Variants in EYS observed in about 807,000 individuals in gnomAD.
EYS encodes the protein EGF-like photoreceptor maintenance factor.
A neutral mutation model predicts 282.1 loss-of-function variants in EYS; 250 were observed. The ratio of observed to expected loss-of-function variants is 0.89; its 90% CI spans 0.80 to 0.98. EYS has a LOEUF of 0.98. Ranked by LOEUF, EYS falls within the 50% of genes least tolerant of loss-of-function variation. EYS has a pLI of 0.00. For synonymous variants in EYS, 1,355 were observed against 1,282.9 expected (o/e 1.06, Z -1.20); for missense variants, 4,016 against 3,709.0 (o/e 1.08, Z -2.15).
intron 8 of EYS, among the ~76,000 whole-genome samples, chr6:65,369,324 A>ATATT (rs1765045432): frequency 7.2e-6 from 1 of 139,368 alleles, no homozygotes; most frequent in African/African-American, 2.6e-5. Flanking sequence ...TATTATATAT[A>ATATT]TATATTTATA....
At chr6:64,616,053 G>T (rs983577601) in intron 24 of EYS, among the ~76,000 whole-genome samples, 5 of 151,892 alleles carry the variant, frequency 3.3e-5, no homozygotes, top group Admixed American at 3.3e-4. Context: ...ACTATTTCAG[G>T]AAATTTTATA....
At chr6:63,888,349 A>T (rs1157212117) in intron 35 of EYS, among the ~76,000 whole-genome samples, 2 of 152,094 alleles carry the variant, frequency 1.3e-5, no homozygotes, top group African/African-American at 4.8e-5. Flanking sequence ...AAGGGGAGAC[A>T]CCTCCCAGCA....
At chr6:64,596,224 G>T (rs569929228) in intron 24 of EYS, among the ~76,000 whole-genome samples, 2 of 146,154 alleles carry the variant, frequency 1.4e-5, no homozygotes, top group South Asian at 4.6e-4. Flanking sequence ...CAGCACTGGG[G>T]ATTGCAATTT....
intron 15 of EYS, among the ~76,000 whole-genome samples, chr6:64,918,895 CCAAGGCATG>C (rs1438353285): frequency 6.6e-6 from 1 of 152,040 alleles, no homozygotes; most frequent in East Asian, 1.9e-4. Context: ...TCTAGAAAAA[CCAAGGCATG>C]CAATAAAAAT....
chr6:64,695,268 G>C (rs180816199), intron 22 of EYS, among the ~76,000 whole-genome samples: 1 of 152,206 alleles, frequency 6.6e-6, no homozygotes, highest in East Asian at 1.9e-4. Flanking sequence ...CACCAATGCA[G>C]CTGACTCCCA....
intron 1 of EYS, among the ~76,000 whole-genome samples, chr6:65,691,292 T>C (rs1769232671): frequency 6.6e-6 from 1 of 150,462 alleles, no homozygotes; most frequent in Non-Finnish European, 1.5e-5. Context: ...TGTAAGATGG[T>C]ACCTCATTGC....
chr6:65,677,105 GAAAAA>G (rs58880200), intron 1 of EYS, among the ~76,000 whole-genome samples: 15,996 of 107,858 alleles, frequency 0.15, 924 homozygotes, highest in Non-Finnish European at 0.18. Context: ...AGTCATTGGT[GAAAAA>G]AAAAAAAAAA....
intron 12 of EYS, among the ~76,000 whole-genome samples, chr6:65,059,166 T>A (rs1345256445): frequency 8.5e-5 from 13 of 152,084 alleles, no homozygotes; most frequent in Admixed American, 6.6e-4. Context: ...TTAGTTTTTT[T>A]AATGAGATAA....
Position 65,226,207 on chromosome 6 carries a change from T to C in EYS, c.2023+69656A>G, listed in dbSNP as rs564449302. 2.6e-5 allele frequency among the ~76,000 whole-genome samples: 4 copies of C among 152,176 alleles called. No homozygotes were observed. The South Asian group carries it at 8.3e-4, about 32-fold the overall frequency. ...TATCAACACACTAAAATCAATTGTG[T>C]ACGTATATACCAGCCATAAACAAAT... On this transcript the variant is annotated intron_variant, in intron 12 of 42. Transcript: ENST00000503581.
intron 1 of EYS, among the ~76,000 whole-genome samples, chr6:65,697,476 A>G (rs1769496698): frequency 6.6e-6 from 1 of 152,074 alleles, no homozygotes; most frequent in Admixed American, 6.6e-5. Context: ...ATCATCTGTC[A>G]ATTTGATTTT....
chr6:63,865,640 C>T (rs913798976), intron 35 of EYS, among the ~76,000 whole-genome samples: 1 of 152,076 alleles, frequency 6.6e-6, no homozygotes, highest in Non-Finnish European at 1.5e-5. Flanking sequence ...GCCTCCCAGT[C>T]TAGTTGTAGA....
intron 1 of EYS, among the ~76,000 whole-genome samples, chr6:65,682,206 A>G (rs1768850512): frequency 6.6e-6 from 1 of 151,922 alleles, no homozygotes. Flanking sequence ...AGAGTGGTCC[A>G]GGTAGAAGCT....
chr6:65,614,727 TTTTA>T (rs149074353), intron 2 of EYS, among the ~76,000 whole-genome samples: 6,871 of 152,190 alleles, frequency 0.045, 455 homozygotes, highest in African/African-American at 0.14. Context: ...AGTATTTGTT[TTTTA>T]TTTGTCATTA....
chr6:63,841,171 A>G (rs1326439973), intron 36 of EYS, among the ~76,000 whole-genome samples: 1 of 152,214 alleles, frequency 6.6e-6, no homozygotes, highest in African/African-American at 2.4e-5. Flanking sequence ...ACATGGTAAG[A>G]CTAGATTAAT....
chr6:64,507,572 G>A (rs148598633), intron 26 of EYS, among the ~76,000 whole-genome samples: 6 of 152,230 alleles, frequency 3.9e-5, no homozygotes, highest in African/African-American at 1.4e-4. Flanking sequence ...ATAAGAGACT[G>A]CATCATATTG....
chr6:64,260,835 A>AT (rs1235372811), intron 30 of EYS, among the ~76,000 whole-genome samples: 2 of 151,902 alleles, frequency 1.3e-5, no homozygotes, highest in African/African-American at 4.8e-5. Flanking sequence ...TTTTTAAAAA[A>AT]TTTTAACTTC....
intron 12 of EYS, among the ~76,000 whole-genome samples, chr6:65,130,197 G>A (rs9445472): frequency 1.2e-4 from 18 of 151,670 alleles, no homozygotes; most frequent in African/African-American, 3.9e-4. Context: ...AAAAACTACC[G>A]CTTGAGTACT....
intron 35 of EYS, among the ~76,000 whole-genome samples, chr6:63,947,587 C>T (rs1406604395): frequency 6.6e-6 from 1 of 152,096 alleles, no homozygotes; most frequent in Non-Finnish European, 1.5e-5. Context: ...CCCGCCCCAA[C>T]AGTTTCTGAG....
At chr6:65,052,298 T>G (rs1057424757) in intron 13 of EYS, among the ~76,000 whole-genome samples, 1 of 151,566 alleles carries the variant, frequency 6.6e-6, no homozygotes, top group Non-Finnish European at 1.5e-5. Flanking sequence ...TTACTTTTCT[T>G]ATGTAGAAAG....
Sources: allele counts gnomAD v4.1 joint callset (sites outside exome capture counted in the v4.1 genomes callset), GRCh38; gene constraint gnomAD v4.1.1; transcripts MANE v1.5; gene names NCBI Gene and HGNC (gene_info 2026-07-23, HGNC 2026-07-21).